NETO1: variants seen among roughly 807,000 people sequenced by gnomAD.
NETO1 encodes neuropilin and tolloid-like protein 1.
NETO1 carries 26 observed loss-of-function variants against 61.3 expected under a neutral mutation model. The observed-to-expected ratio is 0.42, with a 90% confidence interval of 0.31 to 0.59. The LOEUF is 0.59. Among genes scored for constraint, NETO1 ranks in the 20% least tolerant of loss-of-function variants. The probability of loss-of-function intolerance (pLI) is 0.12; values close to 1 mark genes in which losing one functional copy is unlikely to be tolerated. For synonymous variants in NETO1, 225 were observed against 225.8 expected (o/e 1.00, Z 0.03); for missense variants, 531 against 662.8 (o/e 0.80, Z 2.18).
chr18:72,852,530 T>C (rs1259832904), intron 4 of NETO1, among the ~76,000 whole-genome samples: 1 of 152,208 alleles, frequency 6.6e-6, no homozygotes, highest in East Asian at 1.9e-4. Context: ...ACACTCTTTC[T>C]TTATGGGAAA....
intron 8 of NETO1, among the ~76,000 whole-genome samples, chr18:72,753,122 C>A (rs1353387436): frequency 6.6e-6 from 1 of 151,986 alleles, no homozygotes; most frequent in Non-Finnish European, 1.5e-5. Context: ...ACTAGAGGAG[C>A]TAAAACTTCC....
At chr18:72,790,586 G>C (rs2072081085) in intron 6 of NETO1, among the ~76,000 whole-genome samples, 1 of 151,906 alleles carries the variant, frequency 6.6e-6, no homozygotes, top group Non-Finnish European at 1.5e-5. Flanking sequence ...ATCTCTGCCA[G>C]ACTCTGCTTG....
chr18:72,833,911 TC>T (rs2073659348), intron 4 of NETO1: 1 of 162,184 alleles, frequency 6.2e-6, no homozygotes, highest in East Asian at 1.9e-4. Flanking sequence ...TAGCTCAATT[TC>T]TTTCTTGAAA....
intron 1 of NETO1, 66 bp downstream of exon 1, chr18:72,867,197 CG>C: frequency 3.2e-6 from 4 of 1,267,752 alleles, no homozygotes; most frequent in Non-Finnish European, 4.3e-6. Context: ...CCTGCGCGTT[CG>C]GCCCCGGGAA....
At chr18:72,834,165 T>C (rs1489414003) in intron 4 of NETO1, 1 of 683,372 alleles carries the variant, frequency 1.5e-6, no homozygotes, top group African/African-American at 1.9e-5. Flanking sequence ...TAAAAAACAT[T>C]TTAATATTTT....
At position 72,834,828 on chromosome 18, in the gene NETO1, T is replaced by G. The variant is rs183879795; in HGVS notation, c.469+23998A>C. 3.0e-6 allele frequency: 3 copies of G among 984,044 alleles called. No individual in the cohort carries two copies. The African/African-American group carries it at 5.2e-5, about 17-fold the overall frequency. 61.0% of individuals were successfully genotyped at this position (984,044 alleles called of 1,614,324 possible). A position where few individuals can be genotyped will look rare whatever the true frequency, so the allele number is the denominator to read the frequency against. ...CCTCAGCTGAAGAATTCACAATATTTTGGGGAGAGTGGAGACTATTATAAT... is the reference window on the plus strand; with the variant it reads ...CCTCAGCTGAAGAATTCACAATATTGTGGGGAGAGTGGAGACTATTATAAT... On this transcript the variant is annotated intron_variant, in intron 4 of 10. Transcript: ENST00000327305.
chr18:72,812,571 A>G (rs538957133), intron 4 of NETO1, among the ~76,000 whole-genome samples: 1 of 152,272 alleles, frequency 6.6e-6, no homozygotes, highest in Admixed American at 6.5e-5. Context: ...TTTCTTTGGA[A>G]GTTTTGACCT....
chr18:72,861,769 T>C (rs967066800), intron 3 of NETO1, among the ~76,000 whole-genome samples: 1 of 152,218 alleles, frequency 6.6e-6, no homozygotes, highest in Non-Finnish European at 1.5e-5. Flanking sequence ...ATTTTAAATG[T>C]ACCTTTCTCT....
chr18:72,751,978 C>T (rs1457109144), intron 8 of NETO1: 1 of 152,148 alleles, frequency 6.6e-6, no homozygotes, highest in Non-Finnish European at 1.5e-5. Flanking sequence ...ACACTAACTG[C>T]CTCTTAGTGT....
chr18:72,827,606 C>A lies in NETO1; in HGVS notation c.469+31220G>T, dbSNP rs551824610. On this transcript the variant is annotated intron_variant, in intron 4 of 10. Coordinates refer to ENST00000327305, the MANE Select transcript of NETO1 (RefSeq NM_138966.5). ...TGATGTCTGCCTGTAGTCCCAGCTA[C>A]TTGGGAGGCTGAGTGGGGAGAATCA... is the stretch of plus-strand genomic sequence containing the variant. 1.9e-4 allele frequency among the ~76,000 whole-genome samples: 28 copies of A among 151,332 alleles called. 1 individual carries two copies. The East Asian group carries it at 4.3e-3, about 23-fold the overall frequency.
chr18:72,766,220 A>ATATGTGTGTGTGTG (rs1491565058), intron 7 of NETO1, among the ~76,000 whole-genome samples: 23 of 144,762 alleles, frequency 1.6e-4, no homozygotes, highest in Middle Eastern at 6.9e-3. Flanking sequence ...AAAAAAAAAT[A>ATATGTGTGTGTGTG]TGTGTGTGTG....
chr18:72,776,339 C>T (rs1221104668), intron 7 of NETO1, among the ~76,000 whole-genome samples: 1 of 152,158 alleles, frequency 6.6e-6, no homozygotes, highest in African/African-American at 2.4e-5. Flanking sequence ...GTATTTGTCC[C>T]CATCACCTAA....
chr18:72,848,491 C>A (rs1026374976), intron 4 of NETO1, among the ~76,000 whole-genome samples: 1 of 152,012 alleles, frequency 6.6e-6, no homozygotes, highest in Admixed American at 6.6e-5. Context: ...AATATGTTAC[C>A]GGCTCCAAAA....
intron 4 of NETO1, among the ~76,000 whole-genome samples, chr18:72,844,731 G>A (rs757135890): frequency 1.3e-5 from 2 of 151,604 alleles, no homozygotes; most frequent in African/African-American, 2.4e-5. Context: ...ACACTGATGA[G>A]GCACTGGAAA....
At chr18:72,831,198 A>C (rs995847373) in intron 4 of NETO1, among the ~76,000 whole-genome samples, 12 of 152,126 alleles carry the variant, frequency 7.9e-5, no homozygotes, top group Non-Finnish European at 2.9e-5. Flanking sequence ...TACCATCCAC[A>C]TCCATGATTT....
chr18:72,858,792 G>T lies in NETO1; in HGVS notation c.469+34C>A, dbSNP rs757214153. On this transcript the variant is annotated intron_variant, in intron 4 of 10. Coordinates refer to ENST00000327305, the MANE Select transcript of NETO1 (RefSeq NM_138966.5). Reference sequence around the variant, plus strand: ...ACTATGAAGATAGAAAAATGAGGAAGAAAAAGAAATTTTTTTTTTAAGTAC... The same window carrying T: ...ACTATGAAGATAGAAAAATGAGGAATAAAAAGAAATTTTTTTTTTAAGTAC... The T allele has an allele frequency of 2.7e-4, 423 of 1,557,832 alleles. 2 individuals carry two copies. Among genetic ancestry groups the T allele is most frequent in the Non-Finnish European group, 1.2e-5 (14 of 1,157,616 alleles).
At chr18:72,822,737 C>A (rs146437942) in intron 4 of NETO1, among the ~76,000 whole-genome samples, 2 of 152,140 alleles carry the variant, frequency 1.3e-5, no homozygotes, top group Non-Finnish European at 2.9e-5. Flanking sequence ...ACTTCACTTG[C>A]GGTAGACACT....
At chr18:72,759,653 T>A (rs540709512) in intron 7 of NETO1, among the ~76,000 whole-genome samples, 81 of 152,346 alleles carry the variant, frequency 5.3e-4, no homozygotes, top group African/African-American at 1.9e-3. Flanking sequence ...CAACGCAGCA[T>A]GTAGTGGCTA....
intron 4 of NETO1, chr18:72,834,349 A>T (rs1360323969): frequency 1.1e-6 from 1 of 910,952 alleles, no homozygotes; most frequent in African/African-American, 1.8e-5. Flanking sequence ...AAGAAAGGAA[A>T]AGAGACATTA....
Sources: allele counts gnomAD v4.1 joint callset (sites outside exome capture counted in the v4.1 genomes callset), GRCh38; gene constraint gnomAD v4.1.1; transcripts MANE v1.5; gene names NCBI Gene and HGNC (gene_info 2026-07-23, HGNC 2026-07-21).